RIOK2: variants seen among roughly 807,000 people sequenced by gnomAD.
RIOK2 encodes serine/threonine-protein kinase RIO2.
In RIOK2, 46 loss-of-function variants were observed where a neutral mutation model predicts 62.4. The ratio of observed to expected loss-of-function variants is 0.74; its 90% confidence interval spans 0.58 to 0.94. RIOK2 has a LOEUF of 0.94. Among genes scored for constraint, RIOK2 ranks in the 40% least tolerant of loss-of-function variants. The pLI, the probability that RIOK2 is intolerant of heterozygous loss-of-function variation, is 0.00. For synonymous variants in RIOK2, 197 were observed against 216.0 expected (o/e 0.91, Z 0.77); for missense variants, 574 against 658.0 (o/e 0.87, Z 1.40).
chr5:97,171,844 G>A (rs1365347124), intron 5 of RIOK2, among the ~76,000 whole-genome samples: 2 of 152,130 alleles, frequency 1.3e-5, no homozygotes, highest in African/African-American at 4.8e-5. Context: ...CAGGCGCAAT[G>A]GCTCACCCCT....
In RIOK2 at chr5:97,177,266, T is replaced by A; in HGVS notation, c.348A>T (p.Glu116Asp). Residue 116 changes from glutamate (E) to aspartate (D), a missense_variant, in exon 4 of 10, where the codon GAA (glutamate) becomes GAT (aspartate). Coordinates refer to ENST00000283109, the MANE Select transcript of RIOK2 (RefSeq NM_018343.3). Reference protein sequence around the residue: ...ESDIYIVANEEGQQFALKLHR... With the variant: ...ESDIYIVANEDGQQFALKLHR... ...GAAGCTTTAATGCAAATTGTTGTCC[T>A]TCTTCATTTGCAACAATGTAAATAT... 6.2e-7 allele frequency: 1 copy of A among 1,612,380 alleles called. No individual in the cohort carries two copies. The highest frequency in any genetic ancestry group is 8.5e-7 in the Non-Finnish European group (1 of 1,179,514).
intron 6 of RIOK2, among the ~76,000 whole-genome samples, chr5:97,170,032 G>A (rs1366774909): frequency 1.3e-5 from 2 of 152,128 alleles, no homozygotes; most frequent in Non-Finnish European, 2.9e-5. Context: ...ATTTCTTTCT[G>A]TAGCATAAGT....
rs1178147065 is a variant in RIOK2 at position 97,165,886 on chromosome 5, CTT to C, written c.1398-741_1398-740del. 8.5e-5 allele frequency among the ~76,000 whole-genome samples: 13 copies of C among 152,290 alleles called. 1 individual carries two copies. The East Asian group carries it at 2.5e-3, about 29-fold the overall frequency. On this transcript the variant is annotated intron_variant, in intron 8 of 9. Coordinates refer to ENST00000283109, the MANE Select transcript of RIOK2 (RefSeq NM_018343.3). ...TGCCATATATTTGGTTAAACATTAACTTGGGTGTGTCTTTGAGGGCGTTTCTG... is the reference window on the plus strand; with the variant it reads ...TGCCATATATTTGGTTAAACATTAACGGGTGTGTCTTTGAGGGCGTTTCTG...
rs201072867 is a variant in RIOK2, at chr5:97,182,789, G to GA, written c.66+336_66+337insT. On this transcript the variant is annotated intron_variant, in intron 1 of 9. Coordinates refer to ENST00000283109, the MANE Select transcript of RIOK2 (RefSeq NM_018343.3). ...ATATTATCAAATCTCGGGGGGGGGG[G>GA]GGGGCTTAAACCTTTCACAGCTGGT... The GA allele has an allele frequency of 2.9e-4, 65 of 223,980 alleles. 1 individual carries two copies. The highest frequency in any genetic ancestry group is 1.9e-3 in the South Asian group (36 of 19,266). The allele number at this position is 223,980 out of a possible 1,614,324, so 13.9% of individuals were successfully genotyped here.
intron 1 of RIOK2, among the ~76,000 whole-genome samples, chr5:97,179,879 G>T (rs1215918645): frequency 7.3e-6 from 1 of 136,702 alleles, no homozygotes; most frequent in Non-Finnish European, 1.5e-5. Context: ...TGGGTTGATG[G>T]GTACAGCAAA....
intron 9 of RIOK2, 77 bp downstream of exon 9, chr5:97,164,974 A>T (rs1458267051): frequency 1.1e-6 from 1 of 909,082 alleles, no homozygotes; most frequent in Admixed American, 2.3e-5. Context: ...GGCATACATT[A>T]TTGTTTAATG....
chr5:97,169,769 A>G (rs1045854281), intron 6 of RIOK2, among the ~76,000 whole-genome samples: 1 of 152,226 alleles, frequency 6.6e-6, no homozygotes, highest in Non-Finnish European at 1.5e-5. Context: ...CCTTGGCCCC[A>G]GAACTGGTTC....
intron 7 of RIOK2, 81 bp downstream of exon 7, chr5:97,168,679 A>T: frequency 1.1e-6 from 1 of 887,654 alleles, no homozygotes; most frequent in Non-Finnish European, 1.7e-6. Context: ...AAAGTTTTTT[A>T]GATGAAAATG....
At chr5:97,166,760 T>G in intron 8 of RIOK2, 1 of 986,274 alleles carries the variant, frequency 1.0e-6, no homozygotes, top group Non-Finnish European at 1.2e-6. Context: ...ATATAGAAAG[T>G]ACATTTATTG....
chr5:97,167,173 T>C, intron 8 of RIOK2: 1 of 1,208,898 alleles, frequency 8.3e-7, no homozygotes, highest in Non-Finnish European at 1.0e-6. Context: ...TGCCTTGGCC[T>C]CCCAGAAGTG....
chr5:97,161,873 A>G lies in RIOK2; in HGVS notation c.*1188T>C, dbSNP rs1307245304. On this transcript the variant is annotated 3_prime_UTR_variant, in exon 10 of 10. Transcript: ENST00000283109. ...AAAATGAATACCTGAATTCAAAGATATATCTAAAATGCAAAGCAAGGGTAT... is the reference window on the plus strand; with the variant it reads ...AAAATGAATACCTGAATTCAAAGATGTATCTAAAATGCAAAGCAAGGGTAT... 6.6e-6 allele frequency: 1 copy of G among 152,264 alleles called. No homozygotes were observed. The highest frequency in any genetic ancestry group is 1.5e-5 in the Non-Finnish European group (1 of 68,048). 9.4% of individuals were successfully genotyped at this position (152,264 alleles called of 1,614,324 possible).
At chr5:97,183,240 CGTAAGGCAG>C (rs138881674) in exon 1 of RIOK2, 3,363 of 1,601,074 alleles carry the variant, frequency 2.1e-3, 69 homozygotes, top group African/African-American at 0.04. Context: ...AGCCGCAAAG[CGTAAGGCAG>C]GTCGTTATTC....
intron 8 of RIOK2, chr5:97,166,867 GATCAATGTATCC>G (rs1174308219): frequency 1.0e-6 from 1 of 981,466 alleles, no homozygotes; most frequent in Non-Finnish European, 1.2e-6. Context: ...TCTAAAACCT[GATCAATGTATCC>G]AGAGACCTGC....
chr5:97,173,593 C>T (rs950390784), intron 4 of RIOK2, among the ~76,000 whole-genome samples: 1 of 152,158 alleles, frequency 6.6e-6, no homozygotes. Flanking sequence ...CCCCAAGAAG[C>T]TTACAGTCTC....
At chr5:97,167,369 T>G in intron 8 of RIOK2, 98 bp downstream of exon 8, 2 of 1,516,702 alleles carry the variant, frequency 1.3e-6, no homozygotes, top group South Asian at 2.7e-5. Context: ...CAGAATACAA[T>G]TTTGTCACAT....
In RIOK2 at chr5:97,183,116, G is replaced by C; in HGVS notation, c.66+10C>G. On this transcript the variant is annotated intron_variant, in intron 1 of 9. Transcript: ENST00000283109. ...AGGGGAAGGGAGAACAGGAACGGCG[G>C]GTTTCTTACCGCGGTCAAGACCCTG... 6.2e-7 allele frequency: 1 copy of C among 1,614,032 alleles called. No individual in the cohort carries two copies. The highest frequency in any genetic ancestry group is 1.1e-5 in the South Asian group (1 of 91,078).
intron 1 of RIOK2, 102 bp downstream of exon 1, chr5:97,183,024 G>T: frequency 8.1e-7 from 1 of 1,233,690 alleles, no homozygotes; most frequent in Non-Finnish European, 1.2e-6. Context: ...CCACGTCCCG[G>T]GTCCCAGAGT....
At chr5:97,167,184 C>T in intron 8 of RIOK2, 1 of 1,251,336 alleles carries the variant, frequency 8.0e-7, no homozygotes, top group Non-Finnish European at 1.0e-6. Context: ...CCCAGAAGTG[C>T]TGAGATTACA....
intron 5 of RIOK2, 57 bp from the exon 6 acceptor site, chr5:97,171,454 A>G (rs1270679606): frequency 4.7e-6 from 6 of 1,277,304 alleles, no homozygotes; most frequent in East Asian, 2.5e-5. Context: ...GGTTTTAACG[A>G]AAGTATGTAT....
Sources: gnomAD v4.1 joint callset for allele counts (sites outside exome capture counted in the v4.1 genomes callset) on GRCh38, gnomAD v4.1.1 for gene constraint, MANE v1.5 for transcripts, NCBI Gene and HGNC (gene_info 2026-07-23, HGNC 2026-07-21) for gene names.